The following AP4M1 variants were observed in gnomAD, a reference collection of about 807,000 sequenced individuals.
The protein encoded by AP4M1 is adaptor related protein complex 4 subunit mu 1.
Under a neutral mutation model 62.4 loss-of-function variants are expected in AP4M1, and 58 were observed. The observed-to-expected ratio is 0.93, with a 90% CI of 0.75 to 1.16. The LOEUF is 1.16. Ranked by LOEUF, AP4M1 falls within the 50% of genes most tolerant of loss-of-function variation. AP4M1 has a pLI of 0.00. For synonymous variants in AP4M1, 290 were observed against 239.7 expected (o/e 1.21, Z -1.94); for missense variants, 626 against 585.4 (o/e 1.07, Z -0.72).
rs549486190 is a variant in AP4M1 at position 100,101,686 on chromosome 7, C to T, written c.-29C>T. 6.2e-6 allele frequency: 10 copies of T among 1,605,984 alleles called. No homozygotes were observed. Among genetic ancestry groups the T allele is most frequent in the East Asian group, 2.2e-5 (1 of 44,830 alleles). On this transcript the variant is annotated 5_prime_UTR_variant, in exon 1 of 15. Transcript: ENST00000359593. ...AGGGCGGGGCAGGCCCGACTTTCGC[C>T]GTCTTCTTGTCTACTCTCCAGAACG...
intron 2 of AP4M1, chr7:100,102,202 G>C (rs1275778557): frequency 1.6e-6 from 1 of 617,010 alleles, no homozygotes; most frequent in African/African-American, 1.9e-5. Flanking sequence ...CCAACATGGT[G>C]AAACTCCGCC....
intron 4 of AP4M1, 79 bp downstream of exon 4, chr7:100,103,039 G>A (rs1284338352): frequency 2.3e-5 from 27 of 1,189,750 alleles, no homozygotes; most frequent in South Asian, 1.4e-4. Flanking sequence ...GTGGGATGCC[G>A]TGGTTAGGAG....
At chr7:100,106,538 CCT>C (rs748939691) in intron 14 of AP4M1, 24 bp downstream of exon 14, 3 of 1,600,126 alleles carry the variant, frequency 1.9e-6, no homozygotes, top group South Asian at 2.2e-5. Flanking sequence ...ACCCCCAGCC[CCT>C]CTCCTCCCAC....
At chr7:100,103,066 T>A in intron 4 of AP4M1, 106 bp downstream of exon 4, 2 of 755,936 alleles carry the variant, frequency 2.6e-6, no homozygotes, top group Admixed American at 2.8e-5. Flanking sequence ...TCTACCTTTT[T>A]TTTTTTTTTT....
At chr7:100,103,835 A>G (rs1448516199) in intron 6 of AP4M1, 143 bp downstream of exon 6, 2 of 716,844 alleles carry the variant, frequency 2.8e-6, no homozygotes, top group Non-Finnish European at 4.5e-6. Flanking sequence ...TGATGCCAGG[A>G]GTTTCAGAGC....
intron 4 of AP4M1, 102 bp downstream of exon 4, chr7:100,103,062 T>A: frequency 1.6e-5 from 1 of 63,120 alleles, no homozygotes; most frequent in Non-Finnish European, 3.0e-5. Flanking sequence ...CAAGTCTACC[T>A]TTTTTTTTTT....
chr7:100,105,440 C>G lies in AP4M1; in HGVS notation c.835-5C>G. The G allele has an allele frequency of 1.2e-6, 2 of 1,614,036 alleles. No homozygotes were observed. Among genetic ancestry groups the G allele is most frequent in the Non-Finnish European group, 1.7e-6 (2 of 1,179,956 alleles). Reference sequence around the variant, plus strand: ...AACTAACCTTGTTGCTCTCTGGTCTCTCAGCTGACTGTGATGCGGTACCAA... The same window carrying G: ...AACTAACCTTGTTGCTCTCTGGTCTGTCAGCTGACTGTGATGCGGTACCAA... On this transcript the variant is annotated splice_polypyrimidine_tract_variant and splice_region_variant and intron_variant, in intron 10 of 14. Transcript: ENST00000359593.
Position 100,107,805 on chromosome 7 carries a change from C to T in AP4M1, c.*923C>T, listed in dbSNP as rs1032839900. 13 of 1,399,970 alleles carry T rather than the reference C, an allele frequency of 9.3e-6. No individual in the cohort carries two copies. Among genetic ancestry groups the T allele is most frequent in the South Asian group, 5.8e-5 (4 of 69,248 alleles). The allele number at this position is 1,399,970 out of a possible 1,614,324, so 86.7% of individuals were successfully genotyped here. On this transcript the variant is annotated 3_prime_UTR_variant, in exon 15 of 15. Coordinates refer to ENST00000359593, the MANE Select transcript of AP4M1 (RefSeq NM_004722.4). The stretch of plus-strand genomic sequence containing the variant: ...TACAGCCCTGCAGGACCCTGGTGGG[C>T]GCCTCTTCCAGCTCTTGACTTGGGG...
chr7:100,107,846 G>T lies in AP4M1; in HGVS notation c.*964G>T. The T allele has an allele frequency of 6.6e-7, 1 of 1,506,148 alleles. No homozygotes were observed. The highest frequency in any genetic ancestry group is 9.0e-7 in the Non-Finnish European group (1 of 1,116,244). 93.3% of individuals were successfully genotyped at this position (1,506,148 alleles called of 1,614,324 possible). ...TGACTTGGGGCCCAGAGGGGACTGT[G>T]CTCTACTCCTGGGCCTCCCCAGGGT... On this transcript the variant is annotated 3_prime_UTR_variant, in exon 15 of 15. Coordinates refer to ENST00000359593, the MANE Select transcript of AP4M1 (RefSeq NM_004722.4).
chr7:100,101,575 G>A (rs2116611539), upstream of AP4M1: 1 of 946,136 alleles, frequency 1.1e-6, no homozygotes, highest in Admixed American at 2.0e-5. Flanking sequence ...GCAGGCGCCG[G>A]GTTTCCCGCG....
At chr7:100,103,772 C>A in intron 6 of AP4M1, 80 bp downstream of exon 6, 2 of 1,460,762 alleles carry the variant, frequency 1.4e-6, no homozygotes, top group Non-Finnish European at 1.9e-6. Flanking sequence ...TCGGGCACAG[C>A]GGCTCACGCC....
At chr7:100,104,031 T>C in intron 6 of AP4M1, 61 bp from the exon 7 acceptor site, 2 of 1,450,786 alleles carry the variant, frequency 1.4e-6, no homozygotes. Flanking sequence ...TCTCCCTGTC[T>C]GTCCATTTCA....
At chr7:100,101,458 C>T (rs75222889), upstream of AP4M1, 28 of 949,098 alleles carry the variant, frequency 3.0e-5, no homozygotes, top group East Asian at 3.1e-4. Context: ...TCGGACAAGG[C>T]GGCCTTCTTC....
At position 100,106,009 on chromosome 7, in the gene AP4M1, A is replaced by G; in HGVS notation, c.974+6A>G. 6.2e-7 allele frequency: 1 copy of G among 1,614,128 alleles called. No individual in the cohort carries two copies. Among genetic ancestry groups the G allele is most frequent in the Non-Finnish European group, 8.5e-7 (1 of 1,180,030 alleles). ...TGTGACCTGCTCTCAAAGAGGTAAG[A>G]GTGAGGCTGGCCTGGCTGAGTTCAG... On this transcript the variant is annotated splice_donor_region_variant and intron_variant, in intron 12 of 14. Coordinates refer to ENST00000359593, the MANE Select transcript of AP4M1 (RefSeq NM_004722.4).
chr7:100,104,033 T>C, intron 6 of AP4M1, 59 bp from the exon 7 acceptor site: 1 of 1,464,056 alleles, frequency 6.8e-7, no homozygotes, highest in Non-Finnish European at 9.6e-7. Context: ...TCCCTGTCTG[T>C]CCATTTCAGA....
Position 100,101,900 on chromosome 7 carries a change from C to G in AP4M1, c.79C>G (p.Arg27Gly), listed in dbSNP as rs1462720417. Reference protein sequence around the residue: ...YKDFRGDSGGRDVAELFYRKL... With the variant: ...YKDFRGDSGGGDVAELFYRKL... ...GCCAGTCCGCGGGGACAGTGGCGGC[C>G]GGGATGTGGCCGAGCTCTTCTACCG... The change falls in exon 2 of 15, where the codon CGG becomes GGG. Residue 27 changes from arginine to glycine, a missense_variant. By Grantham distance (125) the Arg-to-Gly change is moderately radical (BLOSUM62 -2). Transcript: ENST00000359593. 1 of 1,612,930 alleles carries G rather than the reference C, an allele frequency of 6.2e-7. No homozygotes were observed. The highest frequency in any genetic ancestry group is 8.5e-7 in the Non-Finnish European group (1 of 1,179,964).
At chr7:100,102,636 CT>C in intron 2 of AP4M1, 38 bp from the exon 3 acceptor site, 2 of 1,593,604 alleles carry the variant, frequency 1.3e-6, no homozygotes, top group Non-Finnish European at 8.6e-7. Context: ...CTCCACCTCC[CT>C]TTTTTTAACG....
At chr7:100,102,598 C>T (rs1014979471) in intron 2 of AP4M1, 77 bp from the exon 3 acceptor site, 52 of 1,312,422 alleles carry the variant, frequency 4.0e-5, no homozygotes, top group Middle Eastern at 2.0e-4. Flanking sequence ...CATCGGGATC[C>T]GAGCTCAGGT....
At position 100,107,788 on chromosome 7, in the gene AP4M1, T is replaced by C; in HGVS notation, c.*906T>C. The C allele has an allele frequency of 7.3e-7, 1 of 1,377,102 alleles. No individual in the cohort carries two copies. The highest frequency in any genetic ancestry group is 9.7e-7 in the Non-Finnish European group (1 of 1,026,782). The allele number at this position is 1,377,102 out of a possible 1,614,324, so 85.3% of individuals were successfully genotyped here. Reference sequence around the variant, plus strand: ...TGTTCATGCAGGGCAGCTACAGCCCTGCAGGACCCTGGTGGGCGCCTCTTC... The same window carrying C: ...TGTTCATGCAGGGCAGCTACAGCCCCGCAGGACCCTGGTGGGCGCCTCTTC... On this transcript the variant is annotated 3_prime_UTR_variant, in exon 15 of 15. Coordinates refer to ENST00000359593, the MANE Select transcript of AP4M1 (RefSeq NM_004722.4).
Sources: allele counts gnomAD v4.1 joint callset, GRCh38; gene constraint gnomAD v4.1.1; transcripts MANE v1.5; gene names NCBI Gene and HGNC (gene_info 2026-07-23, HGNC 2026-07-21).